Variants in KCNH5 observed in about 807,000 individuals in gnomAD.
The protein encoded by KCNH5 is voltage-gated delayed rectifier potassium channel KCNH5.
KCNH5 carries 46 observed loss-of-function variants against 96.1 expected under a neutral mutation model. The observed-to-expected ratio is 0.48, with a 90% CI of 0.38 to 0.61. KCNH5 has a LOEUF of 0.61. KCNH5 is among the 20% of genes least tolerant of loss of function. KCNH5 has a pLI of 0.00. For synonymous variants in KCNH5, 439 were observed against 449.8 expected (o/e 0.98, Z 0.30); for missense variants, 907 against 1,225.8 (o/e 0.74, Z 3.88).
chr14:62,911,830 T>C (rs922079858), intron 7 of KCNH5, among the ~76,000 whole-genome samples: 1 of 149,864 alleles, frequency 6.7e-6, no homozygotes, highest in Non-Finnish European at 1.5e-5. Context: ...AGGCCAGGAG[T>C]TCCAGACAAG....
chr14:62,943,903 T>A (rs1889837851), intron 7 of KCNH5, among the ~76,000 whole-genome samples: 1 of 152,134 alleles, frequency 6.6e-6, no homozygotes, highest in Non-Finnish European at 1.5e-5. Flanking sequence ...ACAGGAAGAT[T>A]TCCCATGTTG....
chr14:62,961,910 G>GC (rs1890216957), intron 6 of KCNH5, among the ~76,000 whole-genome samples: 1 of 150,740 alleles, frequency 6.6e-6, no homozygotes, highest in African/African-American at 2.5e-5. Context: ...GATGCAGATG[G>GC]AGATGGAGAT....
intron 7 of KCNH5, among the ~76,000 whole-genome samples, chr14:62,944,238 A>G (rs373563866): frequency 2.0e-5 from 3 of 152,252 alleles, no homozygotes; most frequent in Admixed American, 2.0e-4. Flanking sequence ...TTTTTCTGAA[A>G]GACATATAAA....
rs1237312018 is a variant in KCNH5, at chr14:62,703,135, T to A, written c.*4373A>T. 1 of 151,918 alleles carries A rather than the reference T, an allele frequency of 6.6e-6. No individual in the cohort carries two copies. The highest frequency in any genetic ancestry group is 1.5e-5 in the Non-Finnish European group (1 of 67,824). 9.4% of individuals were successfully genotyped at this position (151,918 alleles called of 1,614,324 possible). ...ATCTTTCTCTTCTCTCTCTCTTCTG[T>A]CAAAGGAGCTTCATTCTTTCCACGT... On this transcript the variant is annotated 3_prime_UTR_variant, in exon 11 of 11. Transcript: ENST00000322893.
At chr14:62,791,869 G>C (rs1886442478) in intron 9 of KCNH5, among the ~76,000 whole-genome samples, 1 of 151,496 alleles carries the variant, frequency 6.6e-6, no homozygotes, top group Non-Finnish European at 1.5e-5. Context: ...AGATCAACCA[G>C]ACAAGAAATT....
At chr14:62,835,048 T>C (rs1402528239) in intron 8 of KCNH5, among the ~76,000 whole-genome samples, 8 of 151,998 alleles carry the variant, frequency 5.3e-5, no homozygotes, top group Non-Finnish European at 1.0e-4. Flanking sequence ...GAATTCAATA[T>C]AATAAGAAAA....
intron 8 of KCNH5, among the ~76,000 whole-genome samples, chr14:62,843,675 G>A (rs1887633839): frequency 6.6e-6 from 1 of 152,088 alleles, no homozygotes; most frequent in African/African-American, 2.4e-5. Flanking sequence ...CTCCCAAAGT[G>A]CTGGGATTAC....
chr14:62,917,039 A>G (rs1165453733), intron 7 of KCNH5, among the ~76,000 whole-genome samples: 2 of 152,226 alleles, frequency 1.3e-5, no homozygotes, highest in African/African-American at 2.4e-5. Flanking sequence ...ATTTCACACC[A>G]ATGATATTGG....
intron 8 of KCNH5, among the ~76,000 whole-genome samples, chr14:62,832,655 T>C (rs73274745): frequency 3.0e-3 from 462 of 152,336 alleles, no homozygotes; most frequent in African/African-American, 0.011. Context: ...AGTGGTTCTA[T>C]ATTTTAATTT....
intron 7 of KCNH5, among the ~76,000 whole-genome samples, chr14:62,885,837 A>C (rs562291169): frequency 6.4e-4 from 98 of 152,348 alleles, no homozygotes; most frequent in Non-Finnish European, 1.3e-3. Context: ...GGAGAAGCAC[A>C]ATTAAAATAT....
chr14:62,840,792 T>C (rs989148687), intron 8 of KCNH5, among the ~76,000 whole-genome samples: 8 of 151,886 alleles, frequency 5.3e-5, no homozygotes, highest in African/African-American at 1.9e-4. Flanking sequence ...ATGGTCTCGC[T>C]CCTGACCTCA....
intron 10 of KCNH5, among the ~76,000 whole-genome samples, chr14:62,719,963 A>G (rs116368973): frequency 1.3e-5 from 2 of 152,242 alleles, no homozygotes; most frequent in African/African-American, 4.8e-5. Context: ...AGTTAGGAAT[A>G]TATCTGTAAA....
At chr14:63,030,945 G>A (rs926027967) in intron 1 of KCNH5, among the ~76,000 whole-genome samples, 2 of 152,126 alleles carry the variant, frequency 1.3e-5, no homozygotes, top group Non-Finnish European at 2.9e-5. Flanking sequence ...TCACCTGGGA[G>A]TTTATTGGCA....
At chr14:62,940,327 GA>G (rs200058751) in intron 7 of KCNH5, among the ~76,000 whole-genome samples, 4,441 of 145,576 alleles carry the variant, frequency 0.031, 92 homozygotes, top group African/African-American at 0.062. Context: ...CCCATTTACA[GA>G]AAAAAAAAAA....
chr14:62,733,993 T>C (rs1885104404), intron 10 of KCNH5, among the ~76,000 whole-genome samples: 1 of 152,158 alleles, frequency 6.6e-6, no homozygotes, highest in African/African-American at 2.4e-5. Flanking sequence ...CAACCATCTA[T>C]ATATTCTACT....
intron 10 of KCNH5, among the ~76,000 whole-genome samples, chr14:62,770,635 T>C (rs555429805): frequency 6.6e-6 from 1 of 152,314 alleles, no homozygotes; most frequent in South Asian, 2.1e-4. Context: ...TTTCTAAGTT[T>C]AAATAGCAAT....
At chr14:62,939,094 A>G (rs1239020374) in intron 7 of KCNH5, among the ~76,000 whole-genome samples, 2 of 152,114 alleles carry the variant, frequency 1.3e-5, no homozygotes, top group Non-Finnish European at 2.9e-5. Context: ...CTCTCCCCTC[A>G]ACTAGCCAAT....
chr14:62,736,992 T>G (rs10144027), intron 10 of KCNH5, among the ~76,000 whole-genome samples: 10,255 of 152,180 alleles, frequency 0.067, 922 homozygotes, highest in African/African-American at 0.2. Flanking sequence ...TTTATAGTCA[T>G]TATTTCCTCT....
chr14:62,996,123 T>TA (rs34748008), intron 4 of KCNH5, among the ~76,000 whole-genome samples: 10 of 152,312 alleles, frequency 6.6e-5, no homozygotes, highest in African/African-American at 2.4e-4. Flanking sequence ...TTACTTGATT[T>TA]AAAAAGTAGA....
Sources: allele counts gnomAD v4.1 joint callset (sites outside exome capture counted in the v4.1 genomes callset), GRCh38; gene constraint gnomAD v4.1.1; transcripts MANE v1.5; gene names NCBI Gene and HGNC (gene_info 2026-07-23, HGNC 2026-07-21).